UNC79: variants seen among roughly 807,000 people sequenced by gnomAD.
UNC79 encodes the protein unc-79 subunit of NALCN channel complex.
UNC79 carries 37 observed loss-of-function variants against 283.1 expected under a neutral mutation model. The observed-to-expected ratio is 0.13, with a 90% CI of 0.10 to 0.17. The LOEUF (loss-of-function observed/expected upper bound fraction) is 0.17. Ranked by LOEUF, UNC79 falls within the 10% of genes least tolerant of loss-of-function variation. The pLI is 1.00. For missense variants in UNC79, 2,272 were observed against 3,211.1 expected (o/e 0.71, Z 7.07); for synonymous variants, 1,107 against 1,200.2 (o/e 0.92, Z 1.61).
At position 93,474,085 on chromosome 14, in the gene UNC79, A is replaced by G. The variant is rs1173074297; in HGVS notation, c.144-4A>G. On this transcript the variant is annotated splice_region_variant and splice_polypyrimidine_tract_variant and intron_variant, in intron 2 of 48. Coordinates refer to ENST00000555664, the Ensembl canonical transcript of UNC79. The surrounding 1 kb of genome is among the most constrained non-coding windows in gnomAD (Gnocchi z 4.1). ...TCTCTTTTTTTTCTTTGTCCCCCCA[A>G]CAGCATTTTGTCCCGCACAGGGAAG... The G allele has an allele frequency of 5.2e-6, 8 of 1,526,216 alleles. No homozygotes were observed. The Admixed American group carries it at 6.0e-5, about 11-fold the overall frequency. 94.5% of individuals were successfully genotyped at this position (1,526,216 alleles called of 1,614,324 possible). A position where few individuals can be genotyped will look rare whatever the true frequency, so the allele number is the denominator to read the frequency against.
At chr14:93,487,810 C>T (rs1260083407) in intron 5 of UNC79, 55 bp downstream of exon 5, 31 of 1,527,974 alleles carry the variant, frequency 2.0e-5, no homozygotes, top group African/African-American at 4.1e-5. Flanking sequence ...TTAAACAAGA[C>T]ATCAAACAAG....
intron 47 of UNC79, among the ~76,000 whole-genome samples, chr14:93,703,714 C>T (rs780623319): frequency 2.0e-5 from 3 of 152,006 alleles, no homozygotes; most frequent in African/African-American, 7.3e-5. Context: ...GAATATGGAG[C>T]GAAATGATAT....
At chr14:93,652,898 G>A (rs1309541152) in intron 35 of UNC79, among the ~76,000 whole-genome samples, 4 of 152,104 alleles carry the variant, frequency 2.6e-5, no homozygotes, top group Admixed American at 1.3e-4. Context: ...AACAAATTGG[G>A]AAGGGTTCTC....
intron 7 of UNC79, among the ~76,000 whole-genome samples, chr14:93,519,279 T>C (rs1378660523): frequency 6.6e-6 from 1 of 151,922 alleles, no homozygotes; most frequent in Non-Finnish European, 1.5e-5. Flanking sequence ...TGAAATCTAT[T>C]TCTCTGATAT....
chr14:93,336,899 G>A (rs2053589366), intron 1 of UNC79, among the ~76,000 whole-genome samples: 1 of 152,166 alleles, frequency 6.6e-6, no homozygotes, highest in Non-Finnish European at 1.5e-5. Flanking sequence ...GACCTGGTGG[G>A]AGGTGTTTGG....
At chr14:93,450,166 G>A (rs935150277) in intron 1 of UNC79, among the ~76,000 whole-genome samples, 29 of 152,182 alleles carry the variant, frequency 1.9e-4, no homozygotes, top group African/African-American at 6.7e-4. Flanking sequence ...ATGTGGTCAG[G>A]GAGTGGGTTA....
At chr14:93,469,510 G>C (rs2140284700) in intron 2 of UNC79, among the ~76,000 whole-genome samples, 1 of 152,232 alleles carries the variant, frequency 6.6e-6, no homozygotes, top group African/African-American at 2.4e-5. Context: ...AGCCAGACAT[G>C]GTGGCTGGCA....
intron 46 of UNC79, among the ~76,000 whole-genome samples, chr14:93,692,516 A>G (rs2074775092): frequency 6.6e-6 from 1 of 152,246 alleles, no homozygotes; most frequent in African/African-American, 2.4e-5. Flanking sequence ...AAAGCAATTT[A>G]GAAAAACCTT....
At chr14:93,502,814 C>G (rs2059360413) in intron 7 of UNC79, among the ~76,000 whole-genome samples, 1 of 152,154 alleles carries the variant, frequency 6.6e-6, no homozygotes, top group Non-Finnish European at 1.5e-5. Context: ...GAGAATAACT[C>G]AAGACAGTAC....
intron 5 of UNC79, among the ~76,000 whole-genome samples, chr14:93,495,591 T>A (rs565266438): frequency 3.3e-5 from 5 of 152,158 alleles, no homozygotes; most frequent in African/African-American, 1.2e-4. Context: ...GACGGGAGGG[T>A]CATTCATATG....
At chr14:93,524,486 A>G (rs2060460142) in intron 8 of UNC79, among the ~76,000 whole-genome samples, 1 of 152,216 alleles carries the variant, frequency 6.6e-6, no homozygotes, top group African/African-American at 2.4e-5. Context: ...CTTAACTGAA[A>G]TGACTGAAAG....
At chr14:93,656,660 A>G (rs910207151) in intron 38 of UNC79, among the ~76,000 whole-genome samples, 2 of 151,962 alleles carry the variant, frequency 1.3e-5, no homozygotes, top group African/African-American at 4.8e-5. Context: ...TCTCAAAAAT[A>G]AATAAACAAA....
intron 2 of UNC79, among the ~76,000 whole-genome samples, chr14:93,472,946 T>A (rs2057598539): frequency 6.6e-6 from 1 of 152,146 alleles, no homozygotes; most frequent in South Asian, 2.1e-4. Context: ...TGCTAAATAG[T>A]ATAACCTAAT....
chr14:93,689,778 C>A (rs1046720475), intron 44 of UNC79: 4 of 218,880 alleles, frequency 1.8e-5, no homozygotes, highest in Non-Finnish European at 2.7e-5. Context: ...CGTGAGCCAC[C>A]GCGCCCGGCC....
At chr14:93,636,149 A>G (rs1451024720) in intron 31 of UNC79, among the ~76,000 whole-genome samples, 1 of 152,226 alleles carries the variant, frequency 6.6e-6, no homozygotes, top group African/African-American at 2.4e-5. Context: ...TTCAGTCCAA[A>G]TTTTAATCTA....
At chr14:93,600,994 A>G (rs1237235380) in intron 25 of UNC79, among the ~76,000 whole-genome samples, 2 of 152,120 alleles carry the variant, frequency 1.3e-5, no homozygotes, top group East Asian at 3.8e-4. Flanking sequence ...TTGACCTATG[A>G]TAACCATTTA....
At chr14:93,689,900 G>A in intron 44 of UNC79, 1 of 570,094 alleles carries the variant, frequency 1.8e-6, no homozygotes, top group Non-Finnish European at 3.1e-6. Flanking sequence ...TGTCACCAAA[G>A]GCTGTTCTTT....
At chr14:93,520,910 C>A (rs1055505225) in intron 7 of UNC79, among the ~76,000 whole-genome samples, 6 of 151,958 alleles carry the variant, frequency 3.9e-5, no homozygotes, top group African/African-American at 9.7e-5. Flanking sequence ...CTGTTTTCCC[C>A]CTGGTTATGA....
intron 1 of UNC79, among the ~76,000 whole-genome samples, chr14:93,411,934 A>G (rs2055345130): frequency 6.6e-6 from 1 of 152,264 alleles, no homozygotes; most frequent in South Asian, 2.1e-4. Flanking sequence ...ACCTTATCAA[A>G]TGAGCTAAAT....
Sources: allele counts gnomAD v4.1 joint callset (sites outside exome capture counted in the v4.1 genomes callset), GRCh38; gene constraint gnomAD v4.1.1; non-coding constraint Gnocchi (gnomAD v3.1); transcripts MANE v1.5; gene names NCBI Gene and HGNC (gene_info 2026-07-23, HGNC 2026-07-21).